Variants in C12orf60 observed in about 807,000 individuals in gnomAD.
C12orf60 encodes the protein uncharacterized protein C12orf60.
For synonymous variants in C12orf60, 102 were observed against 94.6 expected (o/e 1.08, Z -0.45); for missense variants, 284 against 283.2 (o/e 1.00, Z -0.02).
At chr12:14,810,603 A>T (rs1030416794) in intron 1 of C12orf60, among the ~76,000 whole-genome samples, 1 of 152,220 alleles carries the variant, frequency 6.6e-6, no homozygotes, top group African/African-American at 2.4e-5. Flanking sequence ...TTAAAGGTAC[A>T]CTTGGTATTT....
At chr12:14,811,007 T>C (rs986368811) in intron 1 of C12orf60, among the ~76,000 whole-genome samples, 3 of 152,240 alleles carry the variant, frequency 2.0e-5, no homozygotes, top group East Asian at 3.8e-4. Context: ...CTCCATCTTA[T>C]TCCATTTTCA....
At position 14,820,176 on chromosome 12, in the gene C12orf60, C is replaced by T. The variant is rs1592242067; in HGVS notation, c.-24-2736C>T. Among the ~76,000 whole-genome samples the T allele has an allele frequency of 2.0e-5, 3 of 152,038 alleles. No individual in the cohort carries two copies. In the South Asian group the frequency reaches 6.2e-4, roughly 32 times the overall value. On this transcript the variant is annotated intron_variant, in intron 1 of 1. Transcript: ENST00000330828. The stretch of plus-strand genomic sequence containing the variant: ...CTCAGAGTTGTTTATAGTGTTCTCT[C>T]GTTATCCTTTTTATATCTGTAGGGT...
rs1950331504 is a variant in C12orf60, at chr12:14,823,109, T to C, written c.174T>C (p.Asp58=). 7 of 1,613,914 alleles carry C rather than the reference T, an allele frequency of 4.3e-6. No individual in the cohort carries two copies. Among genetic ancestry groups the C allele is most frequent in the East Asian group, 4.5e-5 (2 of 44,884 alleles). Residue 58 remains aspartate, a synonymous_variant, in exon 2 of 2, where the codon GAT becomes GAC. Transcript: ENST00000330828. ...MAVKNNSYIK[D]FFEQMLKIFK... is the part of the protein sequence containing the mutation. The stretch of plus-strand genomic sequence containing the variant: ...TGAAAAACAATAGTTACATTAAGGA[T>C]TTTTTTGAGCAAATGCTCAAAATTT...
rs779347995 is a variant in C12orf60, at chr12:14,822,916, G to A, written c.-20G>A. On this transcript the variant is annotated 5_prime_UTR_variant, in exon 2 of 2. Coordinates refer to ENST00000330828, the MANE Select transcript of C12orf60 (RefSeq NM_175874.4). ...GATTACTGCTTTGCTTTGCAGTGTT[G>A]GAACTTATTTGTTGGAGAAATGTCT... 2 of 1,544,962 alleles carry A rather than the reference G, an allele frequency of 1.3e-6. No homozygotes were observed. Among genetic ancestry groups the A allele is most frequent in the Non-Finnish European group, 1.7e-6 (2 of 1,147,076 alleles).
intron 1 of C12orf60, among the ~76,000 whole-genome samples, chr12:14,816,154 T>G (rs1393503436): frequency 1.6e-5 from 1 of 62,800 alleles, no homozygotes; most frequent in Non-Finnish European, 3.6e-5. Context: ...GTGTAGATCT[T>G]GGAGTCAGGG....
At position 14,823,425 on chromosome 12, in the gene C12orf60, C is replaced by A; in HGVS notation, c.490C>A (p.Gln164Lys). The change falls in exon 2 of 2, where the codon CAA (glutamine) becomes AAA (lysine). Residue 164 changes from glutamine to lysine, a missense_variant. Physicochemically the swap from Gln to Lys is moderately conservative, Grantham distance 53. Transcript: ENST00000330828. Reference sequence around the variant, plus strand: ...CTTCTATACAGAAGACACCAAAGAGCAATCAGATGTCACCACATCTGAGAG... The same window carrying A: ...CTTCTATACAGAAGACACCAAAGAGAAATCAGATGTCACCACATCTGAGAG... ...SDFYTEDTKE[Q>K]SDVTTSERTR... is the part of the protein sequence containing the mutation. The A allele has an allele frequency of 6.2e-7, 1 of 1,613,984 alleles. No individual in the cohort carries two copies.
At chr12:14,807,793 CTAAA>C (rs1323196241) in intron 1 of C12orf60, among the ~76,000 whole-genome samples, 8 of 152,038 alleles carry the variant, frequency 5.3e-5, no homozygotes, top group African/African-American at 1.4e-4. Flanking sequence ...TTAGAATAGT[CTAAA>C]TAGTATCGCA....
chr12:14,807,274 A>C (rs892115233), intron 1 of C12orf60, among the ~76,000 whole-genome samples: 2 of 152,258 alleles, frequency 1.3e-5, no homozygotes, highest in Admixed American at 6.5e-5. Flanking sequence ...TTTGTCAAGC[A>C]TCTGTTTATT....
chr12:14,818,036 G>C (rs566876227), intron 1 of C12orf60, among the ~76,000 whole-genome samples: 2 of 152,300 alleles, frequency 1.3e-5, no homozygotes, highest in East Asian at 3.9e-4. Context: ...ACTGGCATGA[G>C]ATGGTATCTC....
intron 1 of C12orf60, chr12:14,806,321 G>C (rs905222613): frequency 6.2e-7 from 1 of 1,614,202 alleles, no homozygotes; most frequent in South Asian, 1.1e-5. Context: ...CTTCTCCCAG[G>C]ATGACCGAAA....
At chr12:14,806,335 C>G in intron 1 of C12orf60, 1 of 1,614,230 alleles carries the variant, frequency 6.2e-7, no homozygotes, top group South Asian at 1.1e-5. Flanking sequence ...ACCGAAATAA[C>G]CTTTTGCACT....
chr12:14,814,933 T>A (rs1395726182), intron 1 of C12orf60, among the ~76,000 whole-genome samples: 1 of 152,248 alleles, frequency 6.6e-6, no homozygotes, highest in East Asian at 1.9e-4. Context: ...TTACTAGTCA[T>A]GTAATCCTAA....
At chr12:14,807,204 A>G (rs1381861110) in intron 1 of C12orf60, among the ~76,000 whole-genome samples, 1 of 152,266 alleles carries the variant, frequency 6.6e-6, no homozygotes, top group African/African-American at 2.4e-5. Flanking sequence ...GCAACAGAAT[A>G]CAACCCTTTG....
intron 1 of C12orf60, among the ~76,000 whole-genome samples, chr12:14,818,498 C>T (rs961767892): frequency 6.6e-6 from 1 of 152,076 alleles, no homozygotes; most frequent in East Asian, 1.9e-4. Flanking sequence ...ATCAGTTGAC[C>T]GGCCAGGCAC....
At chr12:14,816,058 C>G (rs1207197657) in intron 1 of C12orf60, among the ~76,000 whole-genome samples, 2 of 152,214 alleles carry the variant, frequency 1.3e-5, no homozygotes, top group Non-Finnish European at 2.9e-5. Context: ...ACTTGAACTT[C>G]TTAAATCTTT....
chr12:14,817,012 G>A (rs1192057007), intron 1 of C12orf60, among the ~76,000 whole-genome samples: 1 of 151,764 alleles, frequency 6.6e-6, no homozygotes, highest in African/African-American at 2.4e-5. Flanking sequence ...CAAAGTGTTG[G>A]GATTACACTA....
chr12:14,807,767 T>G (rs1950076011), intron 1 of C12orf60, among the ~76,000 whole-genome samples: 1 of 152,194 alleles, frequency 6.6e-6, no homozygotes, highest in Non-Finnish European at 1.5e-5. Flanking sequence ...TTTGCAAAGC[T>G]TATAAATTAA....
At chr12:14,805,138 G>A (rs1217388610) in intron 1 of C12orf60, 1 of 152,212 alleles carries the variant, frequency 6.6e-6, no homozygotes, top group East Asian at 1.9e-4. Flanking sequence ...TGTTGAAAAT[G>A]AAATTATATT....
rs185788587 is a variant in C12orf60 at position 14,813,360 on chromosome 12, C to T, written c.-24-9552C>T. On this transcript the variant is annotated intron_variant, in intron 1 of 1. Coordinates refer to ENST00000330828, the MANE Select transcript of C12orf60 (RefSeq NM_175874.4). ...AATAGGGTATAGGTAAAATCAGGAG[C>T]TTTTCAGAAGAAAATAACAGCTTCT... Among the ~76,000 whole-genome samples, 855 of 152,212 alleles carry T rather than the reference C, an allele frequency of 5.6e-3. 8 individuals are homozygous for T. The highest frequency in any genetic ancestry group is 0.02 in the African/African-American group (838 of 41,510).
Sources: gnomAD v4.1 joint callset for allele counts (sites outside exome capture counted in the v4.1 genomes callset) on GRCh38, gnomAD v4.1.1 for gene constraint, MANE v1.5 for transcripts, NCBI Gene and HGNC (gene_info 2026-07-23, HGNC 2026-07-21) for gene names.